LRPPRC: variants seen among roughly 807,000 people sequenced by gnomAD.
LRPPRC encodes the protein leucine rich pentatricopeptide repeat containing.
A neutral mutation model predicts 180.3 loss-of-function variants in LRPPRC; 120 were observed. That is an observed-to-expected ratio of 0.67 (90% CI 0.57 to 0.77). The LOEUF (loss-of-function observed/expected upper bound fraction) is 0.77, where lower values mean the gene tolerates loss of function less well. LRPPRC is among the 30% of genes least tolerant of loss of function. The probability of loss-of-function intolerance (pLI) is 0.00; values close to 1 mark genes in which losing one functional copy is unlikely to be tolerated. For missense variants in LRPPRC, 2,012 were observed against 1,657.2 expected, an observed-to-expected ratio of 1.21 and a Z score of -3.72; for synonymous variants, 723 against 600.0, an observed-to-expected ratio of 1.21 and a Z score of -3.00.
chr2:43,906,741 C>A (rs961019245), intron 30 of LRPPRC, among the ~76,000 whole-genome samples: 8 of 152,162 alleles, frequency 5.3e-5, no homozygotes, highest in African/African-American at 1.7e-4. Context: ...GGGGTCACTG[C>A]TAAATTATTT....
chr2:43,959,233 C>G (rs1485428523), intron 13 of LRPPRC: 2 of 714,432 alleles, frequency 2.8e-6, no homozygotes, highest in African/African-American at 1.7e-5. Flanking sequence ...ATATAGTATA[C>G]AGAGTGGAAG....
rs112798145 is a variant in LRPPRC, at chr2:43,979,201, C to A, written c.469+625G>T. 1.3e-3 allele frequency among the ~76,000 whole-genome samples: 205 copies of A among 152,146 alleles called. No individual in the cohort carries two copies. The Middle Eastern group carries it at 0.034, about 25-fold the overall frequency. On this transcript the variant is annotated intron_variant, in intron 3 of 37. Transcript: ENST00000260665. ...TCAAGTAAAACCTGTATCCAGTGTT[C>A]ATCATCCTTCTAGAAATATTTTAAT...
At chr2:43,974,386 A>ATGT (rs1349743748) in intron 8 of LRPPRC, 91 bp from the exon 9 acceptor site, 62 of 991,134 alleles carry the variant, frequency 6.3e-5, no homozygotes, top group Non-Finnish European at 9.7e-5. Context: ...CAAAATAAGA[A>ATGT]TTGCAAACAT....
intron 16 of LRPPRC, among the ~76,000 whole-genome samples, chr2:43,949,171 T>A (rs113271306): frequency 1.3e-5 from 2 of 152,182 alleles, no homozygotes; most frequent in African/African-American, 4.8e-5. Context: ...TCTAGCTTCA[T>A]TATATGAAAA....
intron 30 of LRPPRC, 25 bp downstream of exon 30, chr2:43,912,407 G>T (rs756324658): frequency 1.2e-6 from 2 of 1,600,088 alleles, no homozygotes; most frequent in Non-Finnish European, 1.7e-6. Flanking sequence ...TAAACAAGAG[G>T]TTTAATAAAT....
At chr2:43,902,535 G>A (rs1247662940) in intron 31 of LRPPRC, 1 of 152,110 alleles carries the variant, frequency 6.6e-6, no homozygotes, top group African/African-American at 2.4e-5. Flanking sequence ...ACAGTGGAAA[G>A]ACATGATGAA....
At position 43,899,238 on chromosome 2, in the gene LRPPRC, TCATCCACCTTGCCTG is replaced by T; in HGVS notation, c.3791_3805del (p.Ala1264_Asp1268del). On this transcript the variant is annotated inframe_deletion, in exon 34 of 38. Transcript: ENST00000260665. ...CATTACCTGTAGGAGAGCTCTGGCA[TCATCCACCTTGCCTG>T]CATCCACAAGTTGAAGGAAAAAATC... 6.2e-7 allele frequency: 1 copy of T among 1,613,902 alleles called. No homozygotes were observed. The highest frequency in any genetic ancestry group is 8.5e-7 in the Non-Finnish European group (1 of 1,179,796).
intron 37 of LRPPRC, among the ~76,000 whole-genome samples, 181 bp downstream of exon 37, chr2:43,889,553 T>C (rs1402679938): frequency 2.0e-5 from 3 of 152,064 alleles, no homozygotes; most frequent in African/African-American, 7.3e-5. Flanking sequence ...CCCAGAGAGC[T>C]ATGTTCTCCG....
chr2:43,994,484 A>G (rs898549593), intron 1 of LRPPRC, among the ~76,000 whole-genome samples: 3 of 152,186 alleles, frequency 2.0e-5, no homozygotes, highest in Admixed American at 6.5e-5. Flanking sequence ...TCCTAACACT[A>G]CTACTACTCC....
chr2:43,955,474 G>GAAAAAAAAA (rs200193004), intron 14 of LRPPRC, among the ~76,000 whole-genome samples: 2 of 115,270 alleles, frequency 1.7e-5, no homozygotes, highest in Admixed American at 8.8e-5. Context: ...GTCTCAAAAA[G>GAAAAAAAAA]AAAAAAAAAA....
chr2:43,956,825 C>T (rs943326248), intron 14 of LRPPRC, among the ~76,000 whole-genome samples: 2 of 152,144 alleles, frequency 1.3e-5, no homozygotes, highest in South Asian at 2.1e-4. Context: ...AGGAGGCGGA[C>T]GTCGCAGTGA....
At position 43,918,104 on chromosome 2, in the gene LRPPRC, C is replaced by T; in HGVS notation, c.3069G>A (p.Leu1023=). Residue 1023 remains leucine (L), a synonymous_variant, in exon 29 of 38, where the codon CTG becomes CTA. Transcript: ENST00000260665. The part of the protein sequence containing the change: ...ELWYEDEKHS[L]NSSSASTTEP... ...CTGTGGTTGAGGCTGACGAAGAATT[C>T]AGGGAATGTTTTTCATCTTCATACC... 6.2e-7 allele frequency: 1 copy of T among 1,613,416 alleles called. No individual in the cohort carries two copies. The highest frequency in any genetic ancestry group is 8.5e-7 in the Non-Finnish European group (1 of 1,179,776).
chr2:43,945,334 T>C lies in LRPPRC; in HGVS notation c.2294A>G (p.Gln765Arg), dbSNP rs201611890. 3 of 1,607,806 alleles carry C rather than the reference T, an allele frequency of 1.9e-6. No individual in the cohort carries two copies. Among genetic ancestry groups the C allele is most frequent in the Non-Finnish European group, 2.6e-6 (3 of 1,174,414 alleles). Reference sequence around the variant, plus strand: ...TTCCTTTATGTGCTGAGGCTTACCTTGGAGCTTGCCATGCTTTGCCAATAC... The same window carrying C: ...TTCCTTTATGTGCTGAGGCTTACCTCGGAGCTTGCCATGCTTTGCCAATAC... Reference protein sequence around the residue: ...VRVLAKHGKLQDAINILKEMK... With the variant: ...VRVLAKHGKLRDAINILKEMK... Residue 765 changes from glutamine to arginine, a missense_variant and splice_region_variant, in exon 22 of 38, where the codon CAA (glutamine) becomes CGA (arginine). Coordinates refer to ENST00000260665, the MANE Select transcript of LRPPRC (RefSeq NM_133259.4).
chr2:43,939,126 A>C (rs949786569), intron 23 of LRPPRC, among the ~76,000 whole-genome samples: 22 of 151,504 alleles, frequency 1.5e-4, no homozygotes, highest in African/African-American at 5.1e-4. Context: ...CAAAAAAAAA[A>C]AAAAAAATAG....
intron 14 of LRPPRC, among the ~76,000 whole-genome samples, chr2:43,955,432 G>A (rs1385079420): frequency 6.8e-6 from 1 of 147,690 alleles, no homozygotes; most frequent in Non-Finnish European, 1.5e-5. Flanking sequence ...TCGTACCACT[G>A]CACTGCAGCC....
rs543675035 is a variant in LRPPRC at position 43,892,144 on chromosome 2, G to A, written c.3986-2268C>T. Among the ~76,000 whole-genome samples, 5 of 152,310 alleles carry A rather than the reference G, an allele frequency of 3.3e-5. No individual in the cohort carries two copies. The South Asian group carries it at 8.3e-4, about 25-fold the overall frequency. ...CAGCAAATGCTGATGCAGAAGCTAC[G>A]GCAGGTTATCCAGAAAATCTAGCTA... On this transcript the variant is annotated intron_variant, in intron 36 of 37. Coordinates refer to ENST00000260665, the MANE Select transcript of LRPPRC (RefSeq NM_133259.4).
chr2:43,926,331 G>A (rs992732463), intron 25 of LRPPRC, among the ~76,000 whole-genome samples: 3 of 152,066 alleles, frequency 2.0e-5, no homozygotes, highest in African/African-American at 7.2e-5. Flanking sequence ...AAAAATAAGC[G>A]ATAAACTAGA....
At chr2:43,969,125 G>C (rs1191135678) in intron 11 of LRPPRC, among the ~76,000 whole-genome samples, 2 of 152,192 alleles carry the variant, frequency 1.3e-5, no homozygotes, top group Non-Finnish European at 2.9e-5. Context: ...AAGAAACCAA[G>C]TCTCAGTCCG....
At chr2:43,971,587 T>G (rs1673814638) in intron 11 of LRPPRC, among the ~76,000 whole-genome samples, 1 of 150,982 alleles carries the variant, frequency 6.6e-6, no homozygotes, top group African/African-American at 2.4e-5. Flanking sequence ...TGGTTCCACT[T>G]TGTCTGATCC....
Sources: gnomAD v4.1 joint callset for allele counts (sites outside exome capture counted in the v4.1 genomes callset) on GRCh38, gnomAD v4.1.1 for gene constraint, MANE v1.5 for transcripts, NCBI Gene and HGNC (gene_info 2026-07-23, HGNC 2026-07-21) for gene names.